The following UBE2E2 variants were observed in gnomAD, a reference collection of about 807,000 sequenced individuals.
UBE2E2 encodes ubiquitin conjugating enzyme E2 E2.
UBE2E2 carries 6 observed loss-of-function variants against 24.7 expected under a neutral mutation model. The observed-to-expected ratio is 0.24, with a 90% CI of 0.13 to 0.48. The LOEUF (loss-of-function observed/expected upper bound fraction) is 0.48. Ranked by LOEUF, UBE2E2 falls within the 20% of genes least tolerant of loss-of-function variation. The pLI, the probability that UBE2E2 is intolerant of heterozygous loss-of-function variation, is 0.99. For synonymous variants in UBE2E2, 104 were observed against 83.6 expected (o/e 1.24, Z -1.33); for missense variants, 169 against 245.0 (o/e 0.69, Z 2.07).
chr3:23,245,664 C>G (rs1697375497), intron 3 of UBE2E2, among the ~76,000 whole-genome samples: 1 of 152,072 alleles, frequency 6.6e-6, no homozygotes, highest in Non-Finnish European at 1.5e-5. Flanking sequence ...TTGAAGCCAT[C>G]AAAGTAATAA....
At chr3:23,409,067 T>A (rs1697436855) in intron 3 of UBE2E2, among the ~76,000 whole-genome samples, 1 of 152,164 alleles carries the variant, frequency 6.6e-6, no homozygotes, top group African/African-American at 2.4e-5. Flanking sequence ...TTAAAGAGGA[T>A]GATTCTGATG....
chr3:23,432,993 T>C (rs1351437138), intron 3 of UBE2E2, among the ~76,000 whole-genome samples: 1 of 151,974 alleles, frequency 6.6e-6, no homozygotes, highest in Non-Finnish European at 1.5e-5. Context: ...AACTTTCAGC[T>C]TATGATGCCA....
At chr3:23,211,661 G>A (rs1335329446) in intron 2 of UBE2E2, among the ~76,000 whole-genome samples, 2 of 152,080 alleles carry the variant, frequency 1.3e-5, no homozygotes, top group Non-Finnish European at 2.9e-5. Flanking sequence ...CTCTCAAAGT[G>A]TTGGAATTAC....
chr3:23,345,320 T>C (rs777608252), intron 3 of UBE2E2, among the ~76,000 whole-genome samples: 3 of 152,224 alleles, frequency 2.0e-5, no homozygotes, highest in Non-Finnish European at 4.4e-5. Context: ...TAAACTCTTA[T>C]TGGTTATTAA....
intron 5 of UBE2E2, among the ~76,000 whole-genome samples, chr3:23,577,946 A>G (rs1021789001): frequency 6.6e-6 from 1 of 151,642 alleles, no homozygotes; most frequent in Non-Finnish European, 1.5e-5. Flanking sequence ...CCTGGATGAC[A>G]GCACATCTTT....
chr3:23,345,432 C>T (rs1695525149), intron 3 of UBE2E2, among the ~76,000 whole-genome samples: 1 of 152,156 alleles, frequency 6.6e-6, no homozygotes, highest in South Asian at 2.1e-4. Context: ...AATTTTGTTA[C>T]TTATTATTTA....
At position 23,474,594 on chromosome 3, in the gene UBE2E2, A is replaced by G. The variant is rs554961812; in HGVS notation, c.228-25014A>G. Reference sequence around the variant, plus strand: ...CTCATCTTCATAAATTAAGGATCTGAAAAGTTTAAATTTATATATGGTCAC... The same window carrying G: ...CTCATCTTCATAAATTAAGGATCTGGAAAGTTTAAATTTATATATGGTCAC... On this transcript the variant is annotated intron_variant, in intron 3 of 5. Transcript: ENST00000396703. This position sits in a 1 kb window ranked among gnomAD's most constrained non-coding sequence, Gnocchi z 4.0. Among the ~76,000 whole-genome samples the G allele has an allele frequency of 7.9e-5, 12 of 152,246 alleles. No homozygotes were observed. Among genetic ancestry groups the G allele is most frequent in the Admixed American group, 6.5e-4 (10 of 15,296 alleles).
At chr3:23,205,627 A>G (rs1050531500) in intron 1 of UBE2E2, among the ~76,000 whole-genome samples, 7 of 152,204 alleles carry the variant, frequency 4.6e-5, no homozygotes, top group African/African-American at 1.7e-4. Flanking sequence ...AAAAGTTCCT[A>G]TAGTGGTTAT....
intron 5 of UBE2E2, among the ~76,000 whole-genome samples, chr3:23,574,149 T>G (rs1696289708): frequency 6.6e-6 from 1 of 152,128 alleles, no homozygotes; most frequent in African/African-American, 2.4e-5. Flanking sequence ...ATGTTCTCAC[T>G]TATTTGTGAG....
At chr3:23,203,196 C>T (rs759769090), upstream of UBE2E2, 884 of 986,108 alleles carry the variant, frequency 9.0e-4, no homozygotes, top group Middle Eastern at 1.6e-3. Flanking sequence ...ACAGCGACAG[C>T]CGCGGGCAGC....
At chr3:23,515,935 C>T (rs1694727731) in intron 4 of UBE2E2, among the ~76,000 whole-genome samples, 1 of 152,124 alleles carries the variant, frequency 6.6e-6, no homozygotes, top group African/African-American at 2.4e-5. Flanking sequence ...TGCCACTATA[C>T]TCCAGCCTGG....
intron 5 of UBE2E2, among the ~76,000 whole-genome samples, chr3:23,534,952 T>A (rs1695216133): frequency 6.6e-6 from 1 of 152,238 alleles, no homozygotes; most frequent in Non-Finnish European, 1.5e-5. Context: ...TATCCATACA[T>A]AAACTTATTT....
intron 3 of UBE2E2, among the ~76,000 whole-genome samples, chr3:23,430,434 A>G (rs1698032790): frequency 6.6e-6 from 1 of 151,834 alleles, no homozygotes; most frequent in Non-Finnish European, 1.5e-5. Flanking sequence ...TTAAGAGTTC[A>G]TCCATTAAAG....
chr3:23,568,696 C>T (rs202135389), intron 5 of UBE2E2, among the ~76,000 whole-genome samples: 19 of 118,510 alleles, frequency 1.6e-4, no homozygotes, highest in Non-Finnish European at 1.5e-4. Flanking sequence ...TATATACACA[C>T]ATATATATAT....
intron 3 of UBE2E2, among the ~76,000 whole-genome samples, chr3:23,398,018 A>G (rs9857217): frequency 0.14 from 21,880 of 152,098 alleles, 1,793 homozygotes; most frequent in African/African-American, 0.21. Flanking sequence ...AGTTGAACTC[A>G]AAAGAAACTT....
chr3:23,272,670 C>G (rs1575523265), intron 3 of UBE2E2, among the ~76,000 whole-genome samples: 1 of 149,784 alleles, frequency 6.7e-6, no homozygotes, highest in Non-Finnish European at 1.5e-5. Flanking sequence ...ATCTATATCT[C>G]AGAGAGAGAG....
At chr3:23,264,609 T>C (rs1697993722) in intron 3 of UBE2E2, among the ~76,000 whole-genome samples, 1 of 152,146 alleles carries the variant, frequency 6.6e-6, no homozygotes, top group African/African-American at 2.4e-5. Flanking sequence ...AAGAATTCTG[T>C]GAGAGATCAT....
intron 3 of UBE2E2, among the ~76,000 whole-genome samples, chr3:23,467,843 T>C (rs1394917903): frequency 1.3e-5 from 2 of 152,106 alleles, no homozygotes; most frequent in Non-Finnish European, 2.9e-5. Flanking sequence ...CTTACAATCA[T>C]GGCAGAAGGT....
intron 5 of UBE2E2, among the ~76,000 whole-genome samples, chr3:23,550,475 T>C (rs965261216): frequency 3.9e-5 from 6 of 152,186 alleles, no homozygotes; most frequent in African/African-American, 1.2e-4. Flanking sequence ...GGATATTATA[T>C]TAGATAACAA....
Sources: gnomAD v4.1 joint callset for allele counts (sites outside exome capture counted in the v4.1 genomes callset) on GRCh38, gnomAD v4.1.1 for gene constraint, Gnocchi (gnomAD v3.1) non-coding constraint, MANE v1.5 for transcripts, NCBI Gene and HGNC (gene_info 2026-07-23, HGNC 2026-07-21) for gene names.